Variants in SERPINB7 observed in about 807,000 individuals in gnomAD.
SERPINB7 encodes the protein serpin family B member 7.
SERPINB7 carries 31 observed loss-of-function variants against 37.4 expected under a neutral mutation model. The observed-to-expected ratio is 0.83, with a 90% CI of 0.62 to 1.12. The LOEUF (loss-of-function observed/expected upper bound fraction) is 1.12, where lower values mean the gene tolerates loss of function less well. Ranked by LOEUF, SERPINB7 falls within the 50% of genes most tolerant of loss-of-function variation. SERPINB7 has a pLI of 0.00. For missense variants in SERPINB7, 521 were observed against 455.3 expected (o/e 1.14, Z -1.31); for synonymous variants, 163 against 166.1 (o/e 0.98, Z 0.14).
upstream of SERPINB7, among the ~76,000 whole-genome samples, chr18:63,775,202 T>A (rs1293988826): frequency 6.6e-6 from 1 of 152,186 alleles, no homozygotes; most frequent in Admixed American, 6.5e-5. Flanking sequence ...TTTGTTTTTA[T>A]GGTTATGTTA....
chr18:63,786,834 A>C (rs1219681103), intron 2 of SERPINB7, among the ~76,000 whole-genome samples: 1 of 152,224 alleles, frequency 6.6e-6, no homozygotes, highest in Non-Finnish European at 1.5e-5. Flanking sequence ...AAGTAAGAAG[A>C]GGAAGAATTG....
intron 2 of SERPINB7, among the ~76,000 whole-genome samples, chr18:63,783,232 G>GAGAGAGAAAGAA (rs2049328062): frequency 1.2e-4 from 5 of 40,736 alleles, no homozygotes; most frequent in African/African-American, 2.4e-4. Flanking sequence ...GAGAGAGAGA[G>GAGAGAGAAAGAA]AGAAAGAAAG....
chr18:63,789,907 C>T (rs2049409539), intron 2 of SERPINB7, among the ~76,000 whole-genome samples: 1 of 152,162 alleles, frequency 6.6e-6, no homozygotes, highest in African/African-American at 2.4e-5. Context: ...GAAAGCTCTT[C>T]TATAAATCAA....
rs1054000382 is a variant in SERPINB7 at position 63,768,396 on chromosome 18, A to G, written c.-18-13959A>G. On this transcript the variant is annotated intron_variant, in intron 1 of 7. Transcript: ENST00000336429. Reference sequence around the variant, plus strand: ...ATTTCATCACTCCATTCCACTATACATGTATAATGATATCAGAATTATTTA... The same window carrying G: ...ATTTCATCACTCCATTCCACTATACGTGTATAATGATATCAGAATTATTTA... 1.3e-4 allele frequency among the ~76,000 whole-genome samples: 20 copies of G among 152,126 alleles called. 1 individual carries two copies. Among genetic ancestry groups the G allele is most frequent in the Admixed American group, 1.2e-3 (18 of 15,266 alleles).
At chr18:63,764,107 G>T (rs1004288664) in intron 1 of SERPINB7, among the ~76,000 whole-genome samples, 2 of 152,178 alleles carry the variant, frequency 1.3e-5, no homozygotes, top group African/African-American at 2.4e-5. Context: ...AACCTTCAGG[G>T]TAAAGAAACA....
intron 2 of SERPINB7, among the ~76,000 whole-genome samples, chr18:63,792,061 G>A (rs1052262006): frequency 3.3e-5 from 5 of 152,152 alleles, no homozygotes; most frequent in South Asian, 2.1e-4. Flanking sequence ...ATTAATATCC[G>A]TGTGTGGACT....
intron 2 of SERPINB7, 32 bp downstream of exon 2, chr18:63,782,572 G>A: frequency 6.4e-7 from 1 of 1,553,326 alleles, no homozygotes; most frequent in Non-Finnish European, 8.7e-7. Context: ...TAATCACTGG[G>A]ACAAATTGTT....
chr18:63,783,219 AGAGAGAGAGAGAG>A lies in SERPINB7; in HGVS notation c.168+680_168+692del, dbSNP rs1568207750. On this transcript the variant is annotated intron_variant, in intron 2 of 7. Transcript: ENST00000398019. ...GAGAGAGAGAGAGAGAGAGAGAGAG[AGAGAGAGAGAGAG>A]AGAAAGAAAGAAAGAAAGAAAGAAA... Among the ~76,000 whole-genome samples, 559 of 74,522 alleles carry A rather than the reference AGAGAGAGAGAGAG, an allele frequency of 7.5e-3. 3 individuals carry two copies. Among genetic ancestry groups the A allele is most frequent in the Admixed American group, 0.012 (82 of 6,660 alleles). The allele number at this position is 74,522 out of a possible 152,430, so 48.9% of individuals were successfully genotyped here. A position where few individuals can be genotyped will look rare whatever the true frequency, so the allele number is the denominator to read the frequency against.
At chr18:63,798,882 G>T in intron 6 of SERPINB7, 136 bp downstream of exon 6, 2 of 881,848 alleles carry the variant, frequency 2.3e-6, no homozygotes, top group Non-Finnish European at 3.4e-6. Flanking sequence ...AATATCATAT[G>T]GTCAGTTGCT....
intron 4 of SERPINB7, among the ~76,000 whole-genome samples, chr18:63,794,232 G>A (rs1437891374): frequency 6.6e-6 from 1 of 150,414 alleles, no homozygotes; most frequent in Non-Finnish European, 1.5e-5. Context: ...AAAGTGCTGG[G>A]ATTACAGGCA....
At chr18:63,774,091 T>A (rs1598996057), upstream of SERPINB7, among the ~76,000 whole-genome samples, 1 of 152,256 alleles carries the variant, frequency 6.6e-6, no homozygotes, top group East Asian at 1.9e-4. Flanking sequence ...TAGGCTCATT[T>A]TTTTTTTATA....
At chr18:63,790,224 T>A (rs750637138) in intron 2 of SERPINB7, among the ~76,000 whole-genome samples, 8 of 152,238 alleles carry the variant, frequency 5.3e-5, no homozygotes, top group African/African-American at 9.6e-5. Flanking sequence ...GCCCACTTAA[T>A]ATAAAAATCC....
chr18:63,775,436 G>A lies in SERPINB7; in HGVS notation c.-299G>A, dbSNP rs1022582771. 1.3e-5 allele frequency: 2 copies of A among 152,200 alleles called. No homozygotes were observed. Among genetic ancestry groups the A allele is most frequent in the African/African-American group, 4.8e-5 (2 of 41,456 alleles). The allele number at this position is 152,200 out of a possible 1,614,324, so 9.4% of individuals were successfully genotyped here. A position where few individuals can be genotyped will look rare whatever the true frequency, so the allele number is the denominator to read the frequency against. On this transcript the variant is annotated 5_prime_UTR_variant, in exon 1 of 8. The change creates a new upstream start codon in the 5' untranslated region. Transcript: ENST00000398019. ...TCTACTCATCAATAAGCAGCTGCCT[G>A]TGCAGAGTGCAGGCTGCACCTTTGG...
intron 1 of SERPINB7, among the ~76,000 whole-genome samples, chr18:63,765,619 C>T (rs1395615255): frequency 1.3e-5 from 2 of 152,062 alleles, no homozygotes; most frequent in Non-Finnish European, 2.9e-5. Context: ...TCATCCTATG[C>T]CACTCTTCTT....
chr18:63,783,186 A>AAGAGAGAGAGAG (rs1200340375), intron 2 of SERPINB7, among the ~76,000 whole-genome samples: 4 of 75,316 alleles, frequency 5.3e-5, no homozygotes, highest in Admixed American at 2.5e-4. Context: ...GAAAGAAAGA[A>AAGAGAGAGAGAG]AGAGAGAGAG....
intron 2 of SERPINB7, among the ~76,000 whole-genome samples, chr18:63,783,232 G>GAAAGAAAGAAAGA (rs1555694190): frequency 2.5e-5 from 1 of 40,720 alleles, no homozygotes; most frequent in African/African-American, 1.2e-4. Flanking sequence ...GAGAGAGAGA[G>GAAAGAAAGAAAGA]AGAAAGAAAG....
upstream of SERPINB7, among the ~76,000 whole-genome samples, chr18:63,772,100 G>A (rs916891308): frequency 5.9e-5 from 9 of 151,974 alleles, no homozygotes; most frequent in African/African-American, 1.2e-4. Flanking sequence ...GCTGGAGGGC[G>A]GGAGAAGGGA....
Position 63,796,330 on chromosome 18 carries a change from A to AT in SERPINB7, c.404dup (p.Leu135PhefsTer5). ...GTGGAGCGAGTTGACTTTACGAATC[A>AT]TTTAGAAGACACTAGACGTAATATT... On this transcript the variant is annotated frameshift_variant, in exon 5 of 8. Transcript: ENST00000398019. LOFTEE classifies it high-confidence loss of function. 6.2e-7 allele frequency: 1 copy of AT among 1,613,390 alleles called. No homozygotes were observed. The highest frequency in any genetic ancestry group is 1.1e-5 in the South Asian group (1 of 91,042).
chr18:63,753,981 C>T (rs553026693), intron 1 of SERPINB7, among the ~76,000 whole-genome samples: 1 of 152,244 alleles, frequency 6.6e-6, no homozygotes, highest in East Asian at 1.9e-4. Context: ...AGAGTGTGGG[C>T]TGCTCATGGG....
Sources: allele counts gnomAD v4.1 joint callset (sites outside exome capture counted in the v4.1 genomes callset), GRCh38; gene constraint gnomAD v4.1.1; transcripts MANE v1.5; gene names NCBI Gene and HGNC (gene_info 2026-07-23, HGNC 2026-07-21).